The following ASH1L variants were observed in gnomAD, a reference collection of about 807,000 sequenced individuals.
ASH1L encodes ASH1 like histone lysine methyltransferase.
ASH1L carries 23 observed loss-of-function variants against 269.0 expected under a neutral mutation model. The ratio of observed to expected loss-of-function variants is 0.09; its 90% CI spans 0.06 to 0.12. The LOEUF (loss-of-function observed/expected upper bound fraction) is 0.12, where lower values mean the gene tolerates loss of function less well. Among genes scored for constraint, ASH1L ranks in the 10% least tolerant of loss-of-function variants. ASH1L has a pLI of 1.00. For missense variants in ASH1L, 2,912 were observed against 3,567.8 expected (o/e 0.82, Z 4.68); for synonymous variants, 1,187 against 1,253.5 (o/e 0.95, Z 1.12).
intron 6 of ASH1L, among the ~76,000 whole-genome samples, chr1:155,399,655 CA>C (rs1402703134): frequency 6.7e-6 from 1 of 150,060 alleles, no homozygotes; most frequent in African/African-American, 2.5e-5. Flanking sequence ...CCCCACCCCC[CA>C]AAAAAAACAG....
chr1:155,543,151 A>G (rs759496965), intron 1 of ASH1L, among the ~76,000 whole-genome samples: 1 of 152,164 alleles, frequency 6.6e-6, no homozygotes. Flanking sequence ...ATCCTTTCCT[A>G]TTTTGCATAA....
chr1:155,554,225 C>A (rs2148917880), intron 1 of ASH1L, among the ~76,000 whole-genome samples: 1 of 151,974 alleles, frequency 6.6e-6, no homozygotes, highest in East Asian at 1.9e-4. Flanking sequence ...GCTGGGACCA[C>A]AGGTGGATGC....
At chr1:155,362,167 C>T (rs1655020778) in intron 12 of ASH1L, among the ~76,000 whole-genome samples, 1 of 151,962 alleles carries the variant, frequency 6.6e-6, no homozygotes, top group African/African-American at 2.4e-5. Context: ...TCCTGAGTAG[C>T]TGGAATATAG....
intron 2 of ASH1L, among the ~76,000 whole-genome samples, chr1:155,511,859 G>A (rs1224011742): frequency 6.6e-6 from 1 of 151,790 alleles, no homozygotes; most frequent in Non-Finnish European, 1.5e-5. Context: ...TGCCCAGGCT[G>A]GAGTGCAATG....
At chr1:155,527,365 C>G (rs1341782962) in intron 1 of ASH1L, among the ~76,000 whole-genome samples, 1 of 152,042 alleles carries the variant, frequency 6.6e-6, no homozygotes, top group Non-Finnish European at 1.5e-5. Context: ...ACTGATTATA[C>G]TTTCACTGCC....
chr1:155,430,624 C>T (rs929197978), intron 5 of ASH1L, among the ~76,000 whole-genome samples: 1 of 151,974 alleles, frequency 6.6e-6, no homozygotes, highest in Non-Finnish European at 1.5e-5. Context: ...TCCTATTGAT[C>T]GGCTTTACCA....
chr1:155,420,665 A>C (rs931572977), intron 5 of ASH1L, among the ~76,000 whole-genome samples: 1 of 151,640 alleles, frequency 6.6e-6, no homozygotes, highest in Non-Finnish European at 1.5e-5. Flanking sequence ...AGCCTGGCCA[A>C]CATGGTGAAA....
At position 155,492,743 on chromosome 1, in the gene ASH1L, G is replaced by GT. The variant is rs58775424; in HGVS notation, c.421-10295dup. Among the ~76,000 whole-genome samples, 1,109 of 144,302 alleles carry GT rather than the reference G, an allele frequency of 7.7e-3. 10 individuals carry two copies. Among genetic ancestry groups the GT allele is most frequent in the African/African-American group, 0.023 (909 of 39,586 alleles). The allele number at this position is 144,302 out of a possible 152,430, so 94.7% of individuals were successfully genotyped here. On this transcript the variant is annotated intron_variant, in intron 2 of 27. Transcript: ENST00000392403. ...CGTTTGAATATTTGAAAACAAGTAG[G>GT]TTTTTTTTTTTTCTTGTATTCCTAT...
At chr1:155,507,550 A>C (rs534095124) in intron 2 of ASH1L, among the ~76,000 whole-genome samples, 1 of 152,122 alleles carries the variant, frequency 6.6e-6, no homozygotes, top group Admixed American at 6.5e-5. Context: ...ACTAATACGT[A>C]ATCTGCTCAT....
chr1:155,447,084 T>C (rs1261176327), intron 4 of ASH1L, among the ~76,000 whole-genome samples: 2 of 152,216 alleles, frequency 1.3e-5, no homozygotes, highest in Non-Finnish European at 2.9e-5. Flanking sequence ...AAGACTTCCC[T>C]ATAATGCTGA....
intron 2 of ASH1L, among the ~76,000 whole-genome samples, chr1:155,487,661 G>A (rs1322983687): frequency 6.6e-6 from 1 of 152,070 alleles, no homozygotes; most frequent in African/African-American, 2.4e-5. Flanking sequence ...TGGGATTACA[G>A]GGGTGAGCCA....
intron 1 of ASH1L, among the ~76,000 whole-genome samples, chr1:155,523,593 G>A (rs113137618): frequency 1.6e-3 from 244 of 152,288 alleles, no homozygotes; most frequent in African/African-American, 5.7e-3. Context: ...GGTACTGGCC[G>A]GGTATGGTGT....
At chr1:155,359,496 C>T (rs910131456) in intron 13 of ASH1L, among the ~76,000 whole-genome samples, 1 of 152,114 alleles carries the variant, frequency 6.6e-6, no homozygotes, top group Non-Finnish European at 1.5e-5. Flanking sequence ...AGGCTAATCT[C>T]GAACTCCCGA....
chr1:155,549,316 C>G (rs1168160461), intron 1 of ASH1L, among the ~76,000 whole-genome samples: 1 of 152,044 alleles, frequency 6.6e-6, no homozygotes, highest in East Asian at 1.9e-4. Context: ...GCACTCTAGC[C>G]TGGATAACAG....
chr1:155,412,786 T>C (rs1341582037), intron 6 of ASH1L, among the ~76,000 whole-genome samples: 3 of 151,984 alleles, frequency 2.0e-5, no homozygotes, highest in East Asian at 1.9e-4. Context: ...TCTGACCCTA[T>C]ATCCAGGAAA....
chr1:155,489,498 C>T (rs1285567750), intron 2 of ASH1L, among the ~76,000 whole-genome samples: 2 of 149,542 alleles, frequency 1.3e-5, no homozygotes, highest in South Asian at 2.1e-4. Context: ...GGGCTGGGCA[C>T]GGTGGCTCAC....
At position 155,448,624 on chromosome 1, in the gene ASH1L, A is replaced by G. The variant is rs1282832532; in HGVS notation, c.5087-9556T>C. Among the ~76,000 whole-genome samples, 5 of 152,212 alleles carry G rather than the reference A, an allele frequency of 3.3e-5. No homozygotes were observed. The East Asian group carries it at 9.7e-4, about 30-fold the overall frequency. ...ATTCTCCTGCCTCAGACTCCTAAGTAGCTGGGATTACAGGTGCGCGTGACC... is the reference window on the plus strand; with the variant it reads ...ATTCTCCTGCCTCAGACTCCTAAGTGGCTGGGATTACAGGTGCGCGTGACC... On this transcript the variant is annotated intron_variant, in intron 4 of 27. Coordinates refer to ENST00000392403, the MANE Select transcript of ASH1L (RefSeq NM_018489.3).
chr1:155,546,496 C>T (rs1435127174), intron 1 of ASH1L, among the ~76,000 whole-genome samples: 2 of 152,050 alleles, frequency 1.3e-5, no homozygotes, highest in Non-Finnish European at 1.5e-5. Context: ...CGCGGTGGCT[C>T]ATGCCTATAA....
chr1:155,391,673 G>A (rs1279325916), intron 7 of ASH1L, among the ~76,000 whole-genome samples: 7 of 152,102 alleles, frequency 4.6e-5, no homozygotes, highest in African/African-American at 9.7e-5. Context: ...AACTGGTTTC[G>A]GCCGGGCACA....
Sources: allele counts gnomAD v4.1 joint callset (sites outside exome capture counted in the v4.1 genomes callset), GRCh38; gene constraint gnomAD v4.1.1; transcripts MANE v1.5; gene names NCBI Gene and HGNC (gene_info 2026-07-23, HGNC 2026-07-21).